The following LRP1B variants were observed in gnomAD, a reference collection of about 807,000 sequenced individuals.
LRP1B encodes the protein low-density lipoprotein receptor-related protein 1B.
Under a neutral mutation model 556.6 loss-of-function variants are expected in LRP1B, and 217 were observed. The observed-to-expected ratio is 0.39, with a 90% CI of 0.35 to 0.44. LRP1B has a LOEUF of 0.44. LRP1B is among the 20% of genes least tolerant of loss of function. LRP1B has a pLI of 1.00. For synonymous variants in LRP1B, 2,047 were observed against 1,865.8 expected (o/e 1.10, Z -2.50); for missense variants, 5,053 against 5,620.8 (o/e 0.90, Z 3.23).
At position 141,671,823 on chromosome 2, in the gene LRP1B, CT is replaced by C. The variant is rs11436397; in HGVS notation, c.205+138455del. 6.8e-3 allele frequency among the ~76,000 whole-genome samples: 992 copies of C among 146,272 alleles called. 9 individuals are homozygous for C. The highest frequency in any genetic ancestry group is 0.022 in the African/African-American group (875 of 39,706). ...ACAAATCCTTTCTTAACCCATCAAA[CT>C]TTTTTTTTTTTTCACAAACAAAATG... is the stretch of plus-strand genomic sequence containing the variant. On this transcript the variant is annotated intron_variant, in intron 2 of 90. Coordinates refer to ENST00000389484, the MANE Select transcript of LRP1B (RefSeq NM_018557.3).
chr2:141,879,311 A>C (rs1363957805), intron 1 of LRP1B, among the ~76,000 whole-genome samples: 1 of 151,856 alleles, frequency 6.6e-6, no homozygotes, highest in African/African-American at 2.4e-5. Context: ...ATTTCTCAAC[A>C]ATGTCATACG....
intron 3 of LRP1B, among the ~76,000 whole-genome samples, chr2:141,266,311 G>A (rs1334972638): frequency 4.9e-5 from 7 of 141,578 alleles, no homozygotes; most frequent in South Asian, 4.5e-4. Flanking sequence ...GTGATGGAGC[G>A]AGACTCTGTT....
chr2:140,444,949 T>C (rs1439591615), intron 63 of LRP1B, among the ~76,000 whole-genome samples: 1 of 152,062 alleles, frequency 6.6e-6, no homozygotes, highest in Non-Finnish European at 1.5e-5. Context: ...AAAAAACATA[T>C]AAAAGTCTTC....
At chr2:141,890,348 A>ATATATATATG (rs1558942768) in intron 1 of LRP1B, among the ~76,000 whole-genome samples, 6 of 131,528 alleles carry the variant, frequency 4.6e-5, no homozygotes, top group African/African-American at 1.7e-4. Context: ...ATATATATAT[A>ATATATATATG]TATGTATTGT....
At chr2:141,132,329 A>G (rs1307340012) in intron 7 of LRP1B, among the ~76,000 whole-genome samples, 2 of 151,906 alleles carry the variant, frequency 1.3e-5, no homozygotes, top group Non-Finnish European at 2.9e-5. Flanking sequence ...CTTGGTTCTC[A>G]GGGGAATGGA....
chr2:141,893,962 T>C (rs183343892), intron 1 of LRP1B, among the ~76,000 whole-genome samples: 8 of 152,244 alleles, frequency 5.3e-5, no homozygotes. Flanking sequence ...TCTCTCTCAC[T>C]CTTTTTCTTT....
chr2:141,412,993 A>C (rs1205641634), intron 3 of LRP1B, among the ~76,000 whole-genome samples: 1 of 152,156 alleles, frequency 6.6e-6, no homozygotes, highest in African/African-American at 2.4e-5. Context: ...TTGCAAGGCC[A>C]GAGCAAGGGG....
chr2:141,797,301 G>A (rs976209674), intron 2 of LRP1B, among the ~76,000 whole-genome samples: 6 of 151,062 alleles, frequency 4.0e-5, no homozygotes, highest in Admixed American at 3.3e-4. Context: ...ACTGTATGCA[G>A]AACAATGGAT....
At chr2:140,463,656 T>C (rs1407916468) in intron 60 of LRP1B, among the ~76,000 whole-genome samples, 2 of 152,186 alleles carry the variant, frequency 1.3e-5, no homozygotes, top group Non-Finnish European at 2.9e-5. Flanking sequence ...ATTGAAAGTT[T>C]ATTTTTCCGA....
At chr2:140,527,386 T>G (rs1241128029) in intron 47 of LRP1B, among the ~76,000 whole-genome samples, 1 of 151,980 alleles carries the variant, frequency 6.6e-6, no homozygotes, top group Non-Finnish European at 1.5e-5. Flanking sequence ...AAGAGCCTAT[T>G]TAATTATAAA....
chr2:140,651,526 T>TAAAAAAAAAAAAAAAAAAAAAAAA (rs558677783), intron 41 of LRP1B, among the ~76,000 whole-genome samples: 2 of 107,028 alleles, frequency 1.9e-5, no homozygotes, highest in African/African-American at 3.7e-5. Context: ...ATACAAAAAT[T>TAAAAAAAAAAAAAAAAAAAAAAAA]AAAAAAAAAA....
chr2:140,328,830 C>T (rs1283368970), intron 79 of LRP1B, among the ~76,000 whole-genome samples: 1 of 151,918 alleles, frequency 6.6e-6, no homozygotes, highest in Non-Finnish European at 1.5e-5. Context: ...TACACACACA[C>T]ATCTATTTAT....
At chr2:140,727,479 C>T (rs533019087) in intron 35 of LRP1B, among the ~76,000 whole-genome samples, 63 of 152,186 alleles carry the variant, frequency 4.1e-4, no homozygotes, top group Non-Finnish European at 5.0e-4. Flanking sequence ...GGAATTGAGA[C>T]GAAAGCAAGG....
intron 5 of LRP1B, among the ~76,000 whole-genome samples, chr2:141,240,650 A>G (rs945550933): frequency 2.0e-5 from 3 of 152,088 alleles, no homozygotes; most frequent in Non-Finnish European, 4.4e-5. Context: ...GGATTTAATC[A>G]ATAATTTGAT....
intron 32 of LRP1B, among the ~76,000 whole-genome samples, chr2:140,787,941 T>C (rs1282121559): frequency 1.3e-5 from 2 of 152,038 alleles, no homozygotes; most frequent in Non-Finnish European, 2.9e-5. Flanking sequence ...CCACTCATAC[T>C]CCAAAACCAG....
intron 1 of LRP1B, among the ~76,000 whole-genome samples, chr2:142,109,851 T>G (rs1706898527): frequency 6.6e-6 from 1 of 152,108 alleles, no homozygotes; most frequent in African/African-American, 2.4e-5. Context: ...TTTTTCCCAA[T>G]GAGGAGGAAA....
chr2:141,342,243 C>CA (rs759719074), intron 3 of LRP1B, among the ~76,000 whole-genome samples: 1,744 of 110,554 alleles, frequency 0.016, 19 homozygotes, highest in African/African-American at 0.026. Context: ...GACTCCATCT[C>CA]AAAAAAAAAA....
chr2:140,286,450 A>G (rs996324331), intron 84 of LRP1B, among the ~76,000 whole-genome samples: 1 of 151,822 alleles, frequency 6.6e-6, no homozygotes, highest in South Asian at 2.1e-4. Flanking sequence ...TAAAACAGAC[A>G]CTCAGATGCT....
intron 34 of LRP1B, among the ~76,000 whole-genome samples, chr2:140,769,736 C>G (rs1689242592): frequency 6.6e-6 from 1 of 151,946 alleles, no homozygotes; most frequent in Non-Finnish European, 1.5e-5. Flanking sequence ...AATTTATTCC[C>G]TCTTCTTTAA....
Sources: gnomAD v4.1 joint callset for allele counts (sites outside exome capture counted in the v4.1 genomes callset) on GRCh38, gnomAD v4.1.1 for gene constraint, MANE v1.5 for transcripts, NCBI Gene and HGNC (gene_info 2026-07-23, HGNC 2026-07-21) for gene names.